The following NKAIN1 variants were observed in gnomAD, a reference collection of about 807,000 sequenced individuals.
NKAIN1 encodes sodium/potassium-transporting ATPase subunit beta-1-interacting protein 1.
A neutral mutation model predicts 31.6 loss-of-function variants in NKAIN1; 13 were observed. The ratio of observed to expected loss-of-function variants is 0.41; its 90% CI spans 0.27 to 0.65. NKAIN1 has a LOEUF of 0.65. Ranked by LOEUF, NKAIN1 falls within the 30% of genes least tolerant of loss-of-function variation. The pLI is 0.30. For missense variants in NKAIN1, 193 were observed against 262.2 expected, an observed-to-expected ratio of 0.74 and a Z score of 1.82; for synonymous variants, 104 against 109.0, an observed-to-expected ratio of 0.95 and a Z score of 0.28.
chr1:31,214,812 G>A (rs6680246), intron 1 of NKAIN1, among the ~76,000 whole-genome samples: 75,094 of 152,132 alleles, frequency 0.49, 19,468 homozygotes, highest in Non-Finnish European at 0.56. Flanking sequence ...AGGCGCTGGA[G>A]AGGACCCAGG....
chr1:31,223,490 G>T (rs972817335), intron 1 of NKAIN1, among the ~76,000 whole-genome samples: 5 of 151,992 alleles, frequency 3.3e-5, no homozygotes, highest in Non-Finnish European at 7.4e-5. Flanking sequence ...GCCCAGGCTG[G>T]ATGGAGTGCA....
chr1:31,221,544 T>C (rs1204991270), intron 1 of NKAIN1, among the ~76,000 whole-genome samples: 1 of 152,074 alleles, frequency 6.6e-6, no homozygotes, highest in Non-Finnish European at 1.5e-5. Flanking sequence ...CAAGCGATTC[T>C]CCTGCCTCAG....
intron 1 of NKAIN1, among the ~76,000 whole-genome samples, chr1:31,189,031 A>G (rs536226713): frequency 8.6e-5 from 13 of 151,670 alleles, no homozygotes; most frequent in African/African-American, 2.7e-4. Flanking sequence ...GAAAAGAAAA[A>G]AAAAAAACGG....
At chr1:31,236,560 G>A (rs1645693878) in intron 1 of NKAIN1, among the ~76,000 whole-genome samples, 1 of 152,174 alleles carries the variant, frequency 6.6e-6, no homozygotes, top group Non-Finnish European at 1.5e-5. Flanking sequence ...GGCTCATGGA[G>A]GTTAGTGACA....
chr1:31,226,485 A>T (rs1406491444), intron 1 of NKAIN1, among the ~76,000 whole-genome samples: 3 of 150,762 alleles, frequency 2.0e-5, no homozygotes, highest in African/African-American at 7.3e-5. Flanking sequence ...CCAGATGGGG[A>T]TATCGGGGCT....
chr1:31,191,043 C>A (rs764131354), intron 1 of NKAIN1, among the ~76,000 whole-genome samples: 3 of 152,242 alleles, frequency 2.0e-5, no homozygotes, highest in Non-Finnish European at 4.4e-5. Flanking sequence ...GTAATCCCAG[C>A]ACTTTGGGAG....
chr1:31,224,162 T>A (rs1278384053), intron 1 of NKAIN1, among the ~76,000 whole-genome samples: 4 of 152,236 alleles, frequency 2.6e-5, no homozygotes, highest in African/African-American at 9.6e-5. Context: ...GCTGCAGAGG[T>A]TGGGGACATC....
At chr1:31,214,016 T>A (rs10914326) in intron 1 of NKAIN1, among the ~76,000 whole-genome samples, 13 of 16,272 alleles carry the variant, frequency 8.0e-4, no homozygotes, top group South Asian at 1.4e-3. Flanking sequence ...AAATAAAAAT[T>A]AATTAATTAA....
At chr1:31,218,071 T>TCTTTCTTTCTTTCTCTTTC (rs201070152) in intron 1 of NKAIN1, among the ~76,000 whole-genome samples, 2 of 133,616 alleles carry the variant, frequency 1.5e-5, no homozygotes, top group African/African-American at 5.7e-5. Flanking sequence ...TTTCTTTCTT[T>TCTTTCTTTCTTTCTCTTTC]TTTTTTTTTG....
chr1:31,238,485 T>C (rs1645708584), intron 1 of NKAIN1, among the ~76,000 whole-genome samples: 2 of 152,128 alleles, frequency 1.3e-5, no homozygotes, highest in South Asian at 4.1e-4. Context: ...ATCTCAGCTC[T>C]AGGGTAGGTA....
At chr1:31,231,887 C>T (rs1645652481) in intron 1 of NKAIN1, among the ~76,000 whole-genome samples, 1 of 150,298 alleles carries the variant, frequency 6.7e-6, no homozygotes, top group South Asian at 2.1e-4. Context: ...TGAAGTTTGT[C>T]TCTCTGTGCC....
At chr1:31,224,945 A>G (rs574663837) in intron 1 of NKAIN1, among the ~76,000 whole-genome samples, 2 of 152,098 alleles carry the variant, frequency 1.3e-5, no homozygotes, top group Admixed American at 1.3e-4. Context: ...GCCAGCGGAC[A>G]CTGCACATGG....
At chr1:31,213,226 CTT>C (rs1645484526) in intron 1 of NKAIN1, among the ~76,000 whole-genome samples, 2 of 151,466 alleles carry the variant, frequency 1.3e-5, no homozygotes, top group African/African-American at 4.8e-5. Flanking sequence ...ATATAAAGAA[CTT>C]TTGCAATTCA....
rs1645714699 is a variant in NKAIN1, at chr1:31,239,236, C to A, written c.54+258G>T. Among the ~76,000 whole-genome samples the A allele has an allele frequency of 6.6e-6, 1 of 152,164 alleles. No individual in the cohort carries two copies. The highest frequency in any genetic ancestry group is 6.5e-5 in the Admixed American group (1 of 15,270). ...CAGGAGGCCACTTGTACAGTGCGGG[C>A]GGGCCGGGGACTCGCGCACAGGACG... is the stretch of plus-strand genomic sequence containing the variant. On this transcript the variant is annotated intron_variant, in intron 1 of 6. Coordinates refer to ENST00000373736, the MANE Select transcript of NKAIN1 (RefSeq NM_024522.3). The surrounding 1 kb of genome is among the most constrained non-coding windows in gnomAD (Gnocchi z 4.8).
chr1:31,212,319 C>T (rs1645475840), intron 1 of NKAIN1, among the ~76,000 whole-genome samples: 1 of 152,064 alleles, frequency 6.6e-6, no homozygotes. Context: ...GGTCAAAAAC[C>T]TAAATGTAAG....
At chr1:31,228,938 G>C (rs780340857) in intron 1 of NKAIN1, among the ~76,000 whole-genome samples, 20 of 152,160 alleles carry the variant, frequency 1.3e-4, no homozygotes, top group Middle Eastern at 3.4e-3. Context: ...TCACCACCTG[G>C]TTATCAGCCC....
At chr1:31,230,328 G>A (rs778576301) in intron 1 of NKAIN1, among the ~76,000 whole-genome samples, 1 of 152,172 alleles carries the variant, frequency 6.6e-6, no homozygotes, top group Non-Finnish European at 1.5e-5. Flanking sequence ...GAGGTTAGGT[G>A]TCTTCTTGCT....
At chr1:31,237,888 A>C (rs942168101) in intron 1 of NKAIN1, among the ~76,000 whole-genome samples, 1 of 152,136 alleles carries the variant, frequency 6.6e-6, no homozygotes, top group Non-Finnish European at 1.5e-5. Flanking sequence ...ATTAAAAAAA[A>C]CCCCTAGTTT....
At chr1:31,186,233 A>T (rs1376449180) in intron 2 of NKAIN1, among the ~76,000 whole-genome samples, 1 of 151,814 alleles carries the variant, frequency 6.6e-6, no homozygotes, top group Non-Finnish European at 1.5e-5. Flanking sequence ...ATGATGGCAC[A>T]TGCCTGTAAT....
Sources: allele counts gnomAD v4.1 joint callset (sites outside exome capture counted in the v4.1 genomes callset), GRCh38; gene constraint gnomAD v4.1.1; non-coding constraint Gnocchi (gnomAD v3.1); transcripts MANE v1.5; gene names NCBI Gene and HGNC (gene_info 2026-07-23, HGNC 2026-07-21).